The following ATP11A variants were observed in gnomAD, a reference collection of about 807,000 sequenced individuals.
ATP11A encodes the protein phospholipid-transporting ATPase IH.
ATP11A carries 81 observed loss-of-function variants against 154.4 expected under a neutral mutation model. The observed-to-expected ratio is 0.52, with a 90% CI of 0.44 to 0.63. ATP11A has a LOEUF of 0.63. ATP11A is among the 30% of genes least tolerant of loss of function. The pLI, the probability that ATP11A is intolerant of heterozygous loss-of-function variation, is 0.00. For synonymous variants in ATP11A, 623 were observed against 585.9 expected (o/e 1.06, Z -0.91); for missense variants, 1,316 against 1,474.3 (o/e 0.89, Z 1.76).
chr13:112,798,455 G>A (rs2078054732), intron 2 of ATP11A, among the ~76,000 whole-genome samples: 1 of 152,194 alleles, frequency 6.6e-6, no homozygotes, highest in South Asian at 2.1e-4. Flanking sequence ...TGGTCTAACA[G>A]AGAGTACTTT....
rs532256454 is a variant in ATP11A at position 112,849,621 on chromosome 13, A to G, written c.1810-1416A>G. Among the ~76,000 whole-genome samples, 4 of 152,364 alleles carry G rather than the reference A, an allele frequency of 2.6e-5. No individual in the cohort carries two copies. The East Asian group carries it at 7.7e-4, about 29-fold the overall frequency. ...TCAGAGAATTCATTCTGCAATTCGC[A>G]TTTATGTCTCCAATCTGTAACTTGA... On this transcript the variant is annotated intron_variant, in intron 17 of 29. Coordinates refer to ENST00000375645, the MANE Select transcript of ATP11A (RefSeq NM_015205.3).
Position 112,851,042 on chromosome 13 carries a change from G to T in ATP11A, c.1815G>T (p.Gly605=), listed in dbSNP as rs748839306. The T allele has an allele frequency of 3.1e-6, 5 of 1,613,830 alleles. No homozygotes were observed. Among genetic ancestry groups the T allele is most frequent in the Non-Finnish European group, 2.5e-6 (3 of 1,179,760 alleles). Residue 605 remains glycine (G), a synonymous_variant, in exon 18 of 30, where the codon GGG becomes GGT. Coordinates refer to ENST00000375645, the MANE Select transcript of ATP11A (RefSeq NM_015205.3). ...RARVERNAVE[G]LRTLCVAYKR... is the part of the protein sequence containing the mutation. ...CGCTGCATTGTGTTCTGCAGGAGGG[G>T]CTCCGAACTTTGTGTGTTGCTTATA...
In ATP11A at chr13:112,814,012, G is replaced by A. The variant is rs150259072; in HGVS notation, c.442-2071G>A. ...CAGCAGGATATTTCACAAAGCAAAC[G>A]TTTTTAATTTTGTTCAAGTCCAATT... On this transcript the variant is annotated intron_variant, in intron 5 of 29. Coordinates refer to ENST00000375645, the MANE Select transcript of ATP11A (RefSeq NM_015205.3). Among the ~76,000 whole-genome samples the A allele has an allele frequency of 7.9e-3, 1,198 of 151,572 alleles. 11 individuals are homozygous for A. The highest frequency in any genetic ancestry group is 0.028 in the African/African-American group (1,147 of 41,286).
At chr13:112,790,161 C>T (rs1392839809) in intron 2 of ATP11A, among the ~76,000 whole-genome samples, 1 of 135,552 alleles carries the variant, frequency 7.4e-6, no homozygotes, top group Admixed American at 7.5e-5. Flanking sequence ...TCACACCCGG[C>T]ATCCTGATGT....
At chr13:112,862,004 T>C (rs1293186083) in intron 24 of ATP11A, among the ~76,000 whole-genome samples, 2 of 152,062 alleles carry the variant, frequency 1.3e-5, no homozygotes, top group Admixed American at 6.5e-5. Context: ...AGGCGTAAGG[T>C]GTCACAGCAG....
chr13:112,748,420 C>A (rs1047093871), intron 1 of ATP11A, among the ~76,000 whole-genome samples: 3 of 151,918 alleles, frequency 2.0e-5, no homozygotes, highest in Non-Finnish European at 4.4e-5. Context: ...GGCTGGAGAG[C>A]AATAGCATGA....
chr13:112,876,625 T>G (rs1416231055), intron 28 of ATP11A, among the ~76,000 whole-genome samples: 1 of 152,232 alleles, frequency 6.6e-6, no homozygotes, highest in East Asian at 1.9e-4. Context: ...ATGCAAGTTT[T>G]CAAGTTTCAT....
chr13:112,858,108 A>T, intron 21 of ATP11A, 37 bp from the exon 22 acceptor site: 1 of 1,606,184 alleles, frequency 6.2e-7, no homozygotes, highest in South Asian at 1.1e-5. Flanking sequence ...TGGTGTGCAG[A>T]AAGCATTTCT....
intron 7 of ATP11A, among the ~76,000 whole-genome samples, 176 bp downstream of exon 7, chr13:112,819,583 C>T (rs533291306): frequency 9.9e-5 from 15 of 152,262 alleles, no homozygotes; most frequent in Non-Finnish European, 1.8e-4. Flanking sequence ...TAGACTTGTA[C>T]CACTCAGATT....
At chr13:112,763,088 A>T (rs1437260970) in intron 1 of ATP11A, among the ~76,000 whole-genome samples, 1 of 152,260 alleles carries the variant, frequency 6.6e-6, no homozygotes, top group African/African-American at 2.4e-5. Context: ...CAGGGAGTTG[A>T]GTATAAAGAT....
chr13:112,723,010 T>C (rs1017857927), intron 1 of ATP11A, among the ~76,000 whole-genome samples: 1 of 152,044 alleles, frequency 6.6e-6, no homozygotes, highest in Admixed American at 6.5e-5. Context: ...TATCTAAAAC[T>C]TGGAGTCAAC....
At chr13:112,790,951 A>T (rs767894919) in intron 2 of ATP11A, among the ~76,000 whole-genome samples, 1 of 152,238 alleles carries the variant, frequency 6.6e-6, no homozygotes, top group Non-Finnish European at 1.5e-5. Flanking sequence ...TCCCAACCAG[A>T]TAAGTCCTGT....
rs1185601061 is a variant in ATP11A at position 112,855,925 on chromosome 13, T to C, written c.2258T>C (p.Met753Thr). 3 of 1,612,144 alleles carry C rather than the reference T, an allele frequency of 1.9e-6. 1 individual carries two copies. Among genetic ancestry groups the C allele is most frequent in the Non-Finnish European group, 2.5e-6 (3 of 1,178,726 alleles). The change falls in exon 20 of 30, where the codon ATG (methionine) becomes ACG (threonine). Residue 753 changes from methionine (M) to threonine (T), a missense_variant. This residue lies in a region of ATP11A where 876 missense variants were observed against 1,006.8 expected (regional missense o/e 0.87). Coordinates refer to ENST00000375645, the MANE Select transcript of ATP11A (RefSeq NM_015205.3). ...RDNLSGLSADMQDYGLIIDGA... is the reference protein window; with the variant it reads ...RDNLSGLSADTQDYGLIIDGA... ...TACTCTAACAGACTTTCAGCAGATA[T>C]GCAGGACTACGGTTTAATTATCGAC...
chr13:112,723,191 C>T (rs749445692), intron 1 of ATP11A, among the ~76,000 whole-genome samples: 1 of 150,894 alleles, frequency 6.6e-6, no homozygotes, highest in African/African-American at 2.4e-5. Context: ...TTTTTTTCTT[C>T]GATCCTGTGA....
At chr13:112,759,959 G>T (rs1205103768) in intron 1 of ATP11A, among the ~76,000 whole-genome samples, 1 of 152,134 alleles carries the variant, frequency 6.6e-6, no homozygotes, top group Non-Finnish European at 1.5e-5. Flanking sequence ...GAATCGATGT[G>T]CTGAGCTAAT....
rs116635697 is a variant in ATP11A at position 112,882,875 on chromosome 13, G to A, written c.*1009G>A. On this transcript the variant is annotated 3_prime_UTR_variant, in exon 30 of 30. Transcript: ENST00000375645. This position sits in a 1 kb window ranked among gnomAD's most constrained non-coding sequence, Gnocchi z 5.1. The stretch of plus-strand genomic sequence containing the variant: ...AGGGGTCAACACCAAGGTGGTGTTC[G>A]TGCACCAGAACCTGTCTCGGGCTGA... 5,916 of 398,794 alleles carry A rather than the reference G, an allele frequency of 0.015. 113 individuals carry two copies. The highest frequency in any genetic ancestry group is 0.06 in the East Asian group (1,685 of 28,058). 24.7% of individuals were successfully genotyped at this position (398,794 alleles called of 1,614,324 possible).
At chr13:112,858,640 T>G (rs1028408908) in intron 22 of ATP11A, 1 of 207,464 alleles carries the variant, frequency 4.8e-6, no homozygotes. Flanking sequence ...CTTTGTCCGG[T>G]GTGCCGATGC....
intron 1 of ATP11A, among the ~76,000 whole-genome samples, chr13:112,759,651 T>C (rs1386978596): frequency 6.6e-6 from 1 of 152,232 alleles, no homozygotes; most frequent in South Asian, 2.1e-4. Flanking sequence ...ATCATCTGCT[T>C]ACTGTGTAAA....
At position 112,750,707 on chromosome 13, in the gene ATP11A, T is replaced by C. The variant is rs539591266; in HGVS notation, c.40-34428T>C. 3.9e-4 allele frequency among the ~76,000 whole-genome samples: 59 copies of C among 152,374 alleles called. No individual in the cohort carries two copies. The South Asian group carries it at 4.1e-3, about 11-fold the overall frequency. On this transcript the variant is annotated intron_variant, in intron 1 of 29. Coordinates refer to ENST00000375645, the MANE Select transcript of ATP11A (RefSeq NM_015205.3). Reference sequence around the variant, plus strand: ...GTCCACTTTGCTCACTAGTGTTTACTGCACTAGGTTTTCGTTTGGGAGAAT... The same window carrying C: ...GTCCACTTTGCTCACTAGTGTTTACCGCACTAGGTTTTCGTTTGGGAGAAT...
Sources: gnomAD v4.1 joint callset for allele counts (sites outside exome capture counted in the v4.1 genomes callset) on GRCh38, gnomAD v4.1.1 for gene constraint, gnomAD v4.1.1 regional missense constraint, Gnocchi (gnomAD v3.1) non-coding constraint, MANE v1.5 for transcripts, NCBI Gene and HGNC (gene_info 2026-07-23, HGNC 2026-07-21) for gene names.